DCBLD1: variants seen among roughly 807,000 people sequenced by gnomAD.
DCBLD1 encodes discoidin, CUB and LCCL domain-containing protein 1.
Under a neutral mutation model 71.5 loss-of-function variants are expected in DCBLD1, and 57 were observed. The ratio of observed to expected loss-of-function variants is 0.80; its 90% CI spans 0.64 to 0.99. The LOEUF (loss-of-function observed/expected upper bound fraction) is 0.99. Ranked by LOEUF, DCBLD1 falls within the 50% of genes least tolerant of loss-of-function variation. DCBLD1 has a pLI of 0.00. For missense variants in DCBLD1, 891 were observed against 923.5 expected (o/e 0.96, Z 0.46); for synonymous variants, 380 against 363.8 (o/e 1.04, Z -0.51).
intron 2 of DCBLD1, among the ~76,000 whole-genome samples, chr6:117,514,823 A>C (rs956894757): frequency 6.6e-6 from 1 of 152,122 alleles, no homozygotes; most frequent in Non-Finnish European, 1.5e-5. Context: ...GAGTTTTACT[A>C]TATTTACATG....
Position 117,549,760 on chromosome 6 carries a change from A to G in DCBLD1, c.*1321A>G, listed in dbSNP as rs1336790083. On this transcript the variant is annotated 3_prime_UTR_variant, in exon 15 of 15. Coordinates refer to ENST00000338728, the MANE Select transcript of DCBLD1 (RefSeq NM_001366458.2). ...TACTTTGTAGAGTTTACATGGTTTT[A>G]TGCGCACACTAATTGTAATAAACTA... 6.1e-6 allele frequency: 6 copies of G among 985,274 alleles called. No homozygotes were observed. Among genetic ancestry groups the G allele is most frequent in the Non-Finnish European group, 7.2e-6 (6 of 829,950 alleles). 61.0% of individuals were successfully genotyped at this position (985,274 alleles called of 1,614,324 possible).
chr6:117,549,670 A>C lies in DCBLD1; in HGVS notation c.*1231A>C, dbSNP rs1176651306. The C allele has an allele frequency of 1.0e-5, 10 of 985,278 alleles. No homozygotes were observed. Among genetic ancestry groups the C allele is most frequent in the African/African-American group, 1.7e-5 (1 of 57,206 alleles). The allele number at this position is 985,278 out of a possible 1,614,324, so 61.0% of individuals were successfully genotyped here. On this transcript the variant is annotated 3_prime_UTR_variant, in exon 15 of 15. Coordinates refer to ENST00000338728, the MANE Select transcript of DCBLD1 (RefSeq NM_001366458.2). ...CATCCTGTGAAATGTATATATGTTA[A>C]AATAATGGGGGTGCTGGAAGGTCAT... is the stretch of plus-strand genomic sequence containing the variant.
At chr6:117,498,898 C>G (rs1777555154) in intron 1 of DCBLD1, among the ~76,000 whole-genome samples, 1 of 152,080 alleles carries the variant, frequency 6.6e-6, no homozygotes, top group African/African-American at 2.4e-5. Context: ...TTTAATATCT[C>G]AATTATCTAT....
At chr6:117,546,897 A>G (rs1479643087) in intron 14 of DCBLD1, among the ~76,000 whole-genome samples, 1 of 152,006 alleles carries the variant, frequency 6.6e-6, no homozygotes, top group Non-Finnish European at 1.5e-5. Flanking sequence ...ATTGTTCCTA[A>G]CCCTCACCAC....
intron 14 of DCBLD1, among the ~76,000 whole-genome samples, 162 bp downstream of exon 14, chr6:117,545,759 CTG>C (rs1484498722): frequency 6.6e-6 from 1 of 152,202 alleles, no homozygotes; most frequent in African/African-American, 2.4e-5. Context: ...CAAACTGACA[CTG>C]AGATATTACT....
At chr6:117,515,111 C>G (rs970758936) in intron 2 of DCBLD1, among the ~76,000 whole-genome samples, 5 of 151,868 alleles carry the variant, frequency 3.3e-5, no homozygotes, top group South Asian at 4.2e-4. Flanking sequence ...CCTCCACCCC[C>G]CAGGTTCAAG....
intron 9 of DCBLD1, chr6:117,539,763 A>G (rs1043762003): frequency 1.9e-5 from 3 of 155,812 alleles, no homozygotes; most frequent in African/African-American, 7.2e-5. Flanking sequence ...CTAAAATAAA[A>G]TAAAACTTTT....
chr6:117,543,262 A>T (rs753063131), intron 12 of DCBLD1, 51 bp downstream of exon 12: 1 of 1,533,436 alleles, frequency 6.5e-7, no homozygotes, highest in Non-Finnish European at 9.0e-7. Flanking sequence ...GCGAACAATA[A>T]AAAACCAAAA....
In DCBLD1 at chr6:117,525,376, C is replaced by A; in HGVS notation, c.527C>A (p.Ala176Asp). ...TCTTTTTCCAGCAAATTCTGCCCAG[C>A]TGGTTGTAGAGACGTAGCAGGAGAC... ...LKTEYSKFCPAGCRDVAGDIS... is the reference protein window; with the variant it reads ...LKTEYSKFCPDGCRDVAGDIS... The change falls in exon 5 of 15, where the codon GCT becomes GAT. Residue 176 changes from alanine to aspartate, a missense_variant. By Grantham distance (126) the Ala-to-Asp change is moderately radical (BLOSUM62 -2). Transcript: ENST00000338728. 1.4e-6 allele frequency: 2 copies of A among 1,475,086 alleles called. No homozygotes were observed. Among genetic ancestry groups the A allele is most frequent in the Non-Finnish European group, 1.8e-6 (2 of 1,112,156 alleles). 91.4% of individuals were successfully genotyped at this position (1,475,086 alleles called of 1,614,324 possible). A position where few individuals can be genotyped will look rare whatever the true frequency, so the allele number is the denominator to read the frequency against.
chr6:117,511,627 C>T (rs888321195), intron 2 of DCBLD1, among the ~76,000 whole-genome samples: 9 of 152,194 alleles, frequency 5.9e-5, no homozygotes, highest in Non-Finnish European at 1.0e-4. Flanking sequence ...CAGGTTTCTG[C>T]ATGTCATTTT....
chr6:117,495,855 ATATCT>A (rs1777451227), intron 1 of DCBLD1, among the ~76,000 whole-genome samples: 1 of 152,220 alleles, frequency 6.6e-6, no homozygotes, highest in Non-Finnish European at 1.5e-5. Context: ...AATCTTTTAA[ATATCT>A]TAACATGGTA....
At position 117,548,047 on chromosome 6, in the gene DCBLD1, C is replaced by A. The variant is rs1449363585; in HGVS notation, c.1756C>A (p.Arg586Ser). 1.9e-6 allele frequency: 3 copies of A among 1,549,148 alleles called. No individual in the cohort carries two copies. Among genetic ancestry groups the A allele is most frequent in the Admixed American group, 2.0e-5 (1 of 50,914 alleles). ...CTATGACTGCCCGCAGCGGGCCGGC[C>A]GCCACGAGTACGCGCTGCCCCTGGC... ...GHYDCPQRAG[R>S]HEYALPLAPP... The change falls in exon 15 of 15, where the codon CGC (arginine) becomes AGC (serine). Residue 586 changes from arginine (R) to serine (S), a missense_variant. Physicochemically the swap from Arg to Ser is moderately radical, Grantham distance 110 (BLOSUM62 -1). Coordinates refer to ENST00000338728, the MANE Select transcript of DCBLD1 (RefSeq NM_001366458.2).
At chr6:117,500,426 G>A (rs552873144) in intron 1 of DCBLD1, among the ~76,000 whole-genome samples, 3 of 152,294 alleles carry the variant, frequency 2.0e-5, no homozygotes, top group African/African-American at 4.8e-5. Context: ...TTCCCAAGGA[G>A]GTAGAGATCC....
intron 6 of DCBLD1, 78 bp from the exon 7 acceptor site, chr6:117,537,107 G>A: frequency 6.9e-7 from 1 of 1,455,706 alleles, no homozygotes; most frequent in South Asian, 1.1e-5. Flanking sequence ...AGTTCTGTGA[G>A]CCCTGGGATG....
chr6:117,540,460 A>T, intron 9 of DCBLD1: 1 of 539,430 alleles, frequency 1.9e-6, no homozygotes, highest in East Asian at 3.1e-5. Context: ...TGAAATTTAA[A>T]TCAGTAAACA....
At chr6:117,541,142 C>T (rs1779082952) in intron 11 of DCBLD1, 117 bp downstream of exon 11, 3 of 823,626 alleles carry the variant, frequency 3.6e-6, no homozygotes, top group Non-Finnish European at 5.9e-6. Context: ...GTGGATGATC[C>T]AGTGGTATTG....
intron 14 of DCBLD1, among the ~76,000 whole-genome samples, chr6:117,563,748 AAGTT>A (rs1779637800): frequency 6.6e-6 from 1 of 151,794 alleles, no homozygotes; most frequent in African/African-American, 2.4e-5. Flanking sequence ...AAAAAAAAAA[AAGTT>A]AGTTGTATAA....
intron 4 of DCBLD1, among the ~76,000 whole-genome samples, chr6:117,524,139 A>T (rs929997049): frequency 7.9e-5 from 12 of 151,966 alleles, no homozygotes; most frequent in African/African-American, 2.9e-4. Flanking sequence ...GCTGCACCAC[A>T]TACTATGACA....
At chr6:117,528,968 G>A (rs1224387015) in intron 5 of DCBLD1, among the ~76,000 whole-genome samples, 1 of 152,152 alleles carries the variant, frequency 6.6e-6, no homozygotes, top group Non-Finnish European at 1.5e-5. Flanking sequence ...AGCCTCATGA[G>A]TAGCTGGGAC....
Sources: gnomAD v4.1 joint callset for allele counts (sites outside exome capture counted in the v4.1 genomes callset) on GRCh38, gnomAD v4.1.1 for gene constraint, MANE v1.5 for transcripts, NCBI Gene and HGNC (gene_info 2026-07-23, HGNC 2026-07-21) for gene names.